Variants in GALK2 observed in about 807,000 individuals in gnomAD.
The protein encoded by GALK2 is galactokinase 2.
Under a neutral mutation model 52.4 loss-of-function variants are expected in GALK2, and 36 were observed. The ratio of observed to expected loss-of-function variants is 0.69; its 90% confidence interval spans 0.53 to 0.91. GALK2 has a LOEUF of 0.91. GALK2 is among the 40% of genes least tolerant of loss of function. GALK2 has a pLI of 0.00. For synonymous variants in GALK2, 176 were observed against 199.1 expected (o/e 0.88, Z 0.98); for missense variants, 579 against 559.1 (o/e 1.04, Z -0.36).
chr15:49,249,059 G>A (rs2091478823), intron 5 of GALK2, among the ~76,000 whole-genome samples: 1 of 152,160 alleles, frequency 6.6e-6, no homozygotes, highest in Admixed American at 6.6e-5. Flanking sequence ...GTGTTACACA[G>A]TATTCAAATA....
At chr15:49,299,743 C>CTTTTCTTTCT (rs1435289787) in intron 8 of GALK2, among the ~76,000 whole-genome samples, 1 of 107,760 alleles carries the variant, frequency 9.3e-6, no homozygotes, top group Admixed American at 9.7e-5. Flanking sequence ...TCTTTTCTTT[C>CTTTTCTTTCT]TTTCTTTCTT....
intron 6 of GALK2, among the ~76,000 whole-genome samples, 200 bp from the exon 7 acceptor site, chr15:49,283,366 G>A (rs2032963983): frequency 6.6e-6 from 1 of 152,160 alleles, no homozygotes; most frequent in African/African-American, 2.4e-5. Flanking sequence ...CTTGATTGCG[G>A]GCTCTATGAG....
In GALK2 at chr15:49,331,818, C is replaced by T. The variant is rs145719547; in HGVS notation, c.*3659C>T. On this transcript the variant is annotated 3_prime_UTR_variant, in exon 10 of 10. Coordinates refer to ENST00000560031, the MANE Select transcript of GALK2 (RefSeq NM_002044.4). ...AACTTCTCAAAGTCCTGTTTCACTTCATGAGGTTTCTTGGTAGCCTTTGCT... is the reference window on the plus strand; with the variant it reads ...AACTTCTCAAAGTCCTGTTTCACTTTATGAGGTTTCTTGGTAGCCTTTGCT... 13 of 1,611,800 alleles carry T rather than the reference C, an allele frequency of 8.1e-6. No homozygotes were observed. The highest frequency in any genetic ancestry group is 8.5e-6 in the Non-Finnish European group (10 of 1,177,958).
At chr15:49,354,358 C>T (rs544336079) in intron 3 of GALK2, among the ~76,000 whole-genome samples, 2 of 152,294 alleles carry the variant, frequency 1.3e-5, no homozygotes, top group South Asian at 4.1e-4. Flanking sequence ...CTAGGGAGTG[C>T]CAGACAGTGG....
chr15:49,217,518 A>G (rs1437718397), intron 3 of GALK2, among the ~76,000 whole-genome samples: 3 of 152,224 alleles, frequency 2.0e-5, no homozygotes, highest in Non-Finnish European at 2.9e-5. Context: ...AAGACTTATC[A>G]TGTGCTAGAC....
At position 49,328,399 on chromosome 15, in the gene GALK2, G is replaced by A; in HGVS notation, c.*240G>A. The A allele has an allele frequency of 3.5e-6, 5 of 1,428,824 alleles. No individual in the cohort carries two copies. Among genetic ancestry groups the A allele is most frequent in the Non-Finnish European group, 4.6e-6 (5 of 1,094,702 alleles). The allele number at this position is 1,428,824 out of a possible 1,614,324, so 88.5% of individuals were successfully genotyped here. On this transcript the variant is annotated 3_prime_UTR_variant, in exon 10 of 10. Coordinates refer to ENST00000560031, the MANE Select transcript of GALK2 (RefSeq NM_002044.4). ...GATCATGCTTGGACAGATCTTTTAA[G>A]AATAACTTACTGAGATTTATTGATT...
At chr15:49,353,195 T>C (rs1296136367) in intron 3 of GALK2, among the ~76,000 whole-genome samples, 3 of 152,114 alleles carry the variant, frequency 2.0e-5, no homozygotes, top group African/African-American at 7.2e-5. Flanking sequence ...ATTTATTTAG[T>C]CCAATTCATC....
chr15:49,366,891 G>C (rs906721867), intron 3 of GALK2, among the ~76,000 whole-genome samples: 1 of 152,160 alleles, frequency 6.6e-6, no homozygotes, highest in African/African-American at 2.4e-5. Flanking sequence ...CCTTAATGAG[G>C]ACTGGGCCAA....
At chr15:49,342,209 T>A (rs187230321) in intron 3 of GALK2, among the ~76,000 whole-genome samples, 131 of 152,366 alleles carry the variant, frequency 8.6e-4, no homozygotes, top group Non-Finnish European at 1.6e-3. Context: ...ATCTGGGTGA[T>A]CCAATGCTGG....
At chr15:49,262,543 A>G (rs1057497315) in intron 5 of GALK2, among the ~76,000 whole-genome samples, 7 of 152,090 alleles carry the variant, frequency 4.6e-5, no homozygotes, top group African/African-American at 1.7e-4. Flanking sequence ...TAATTTTTTG[A>G]AGGGTTTTTT....
At chr15:49,163,521 G>A (rs982978899) in intron 1 of GALK2, among the ~76,000 whole-genome samples, 3 of 152,188 alleles carry the variant, frequency 2.0e-5, no homozygotes, top group African/African-American at 7.2e-5. Context: ...GTGAATGAAT[G>A]TGGAGGTTCA....
chr15:49,343,753 T>TG (rs1457589471), intron 3 of GALK2: 2 of 152,340 alleles, frequency 1.3e-5, no homozygotes, highest in East Asian at 3.9e-4. Flanking sequence ...CTTATTGTTC[T>TG]GGCAACCTGT....
At chr15:49,348,570 C>T (rs183820340) in intron 3 of GALK2, among the ~76,000 whole-genome samples, 7 of 152,144 alleles carry the variant, frequency 4.6e-5, no homozygotes, top group South Asian at 2.1e-4. Context: ...CAGAATCACT[C>T]GGAGCCAGAG....
chr15:49,278,001 G>A (rs1031440808), intron 5 of GALK2, among the ~76,000 whole-genome samples: 2 of 151,882 alleles, frequency 1.3e-5, no homozygotes, highest in Admixed American at 6.6e-5. Flanking sequence ...GGTGGCTCAC[G>A]CCTGTAATCC....
At chr15:49,182,891 CCAGT>C (rs768019305) in intron 1 of GALK2, among the ~76,000 whole-genome samples, 1 of 151,712 alleles carries the variant, frequency 6.6e-6, no homozygotes, top group Non-Finnish European at 1.5e-5. Flanking sequence ...GTTTTTAATC[CCAGT>C]CAGATAGTTT....
rs1409034884 is a variant in GALK2, at chr15:49,274,012, G to A, written c.505-7975G>A. ...TGCTGTTGCTGCCCTTGGGCCTGAA[G>A]GTACCCTCGACAGGGAGAGACATCA... On this transcript the variant is annotated intron_variant, in intron 5 of 9. Coordinates refer to ENST00000560031, the MANE Select transcript of GALK2 (RefSeq NM_002044.4). Among the ~76,000 whole-genome samples the A allele has an allele frequency of 2.0e-5, 3 of 152,268 alleles. No homozygotes were observed. In the East Asian group the frequency reaches 5.8e-4, roughly 29 times the overall value.
intron 5 of GALK2, among the ~76,000 whole-genome samples, chr15:49,272,130 G>T (rs2030758380): frequency 6.6e-6 from 1 of 152,116 alleles, no homozygotes; most frequent in African/African-American, 2.4e-5. Context: ...TTTGAGCCAG[G>T]CCTTTCTGGC....
intron 5 of GALK2, among the ~76,000 whole-genome samples, chr15:49,262,969 G>A (rs1171678540): frequency 6.9e-6 from 1 of 145,018 alleles, no homozygotes; most frequent in Non-Finnish European, 1.5e-5. Flanking sequence ...TACATCTGCT[G>A]AGGAGAGCTT....
Position 49,292,316 on chromosome 15 carries a change from TG to T in GALK2, c.757-10del. On this transcript the variant is annotated splice_polypyrimidine_tract_variant and intron_variant, in intron 7 of 9. Coordinates refer to ENST00000560031, the MANE Select transcript of GALK2 (RefSeq NM_002044.4). ...ATCAAAACTGACCATTATCTTGATT[TG>T]AATTTGCAGCTCCTGGCTAAATACA... 1 of 1,611,802 alleles carries T rather than the reference TG, an allele frequency of 6.2e-7. No homozygotes were observed. Among genetic ancestry groups the T allele is most frequent in the Non-Finnish European group, 8.5e-7 (1 of 1,178,348 alleles).
Sources: allele counts gnomAD v4.1 joint callset (sites outside exome capture counted in the v4.1 genomes callset), GRCh38; gene constraint gnomAD v4.1.1; transcripts MANE v1.5; gene names NCBI Gene and HGNC (gene_info 2026-07-23, HGNC 2026-07-21).